MPZL3: variants seen among roughly 807,000 people sequenced by gnomAD.
MPZL3 encodes myelin protein zero-like protein 3.
A neutral mutation model predicts 24.8 loss-of-function variants in MPZL3; 23 were observed. The ratio of observed to expected loss-of-function variants is 0.93; its 90% CI spans 0.67 to 1.31. The LOEUF (loss-of-function observed/expected upper bound fraction) is 1.31. Ranked by LOEUF, MPZL3 falls within the 40% of genes most tolerant of loss-of-function variation. The probability of loss-of-function intolerance (pLI) is 0.00; values close to 1 mark genes in which losing one functional copy is unlikely to be tolerated. For synonymous variants in MPZL3, 99 were observed against 106.5 expected (o/e 0.93, Z 0.44); for missense variants, 277 against 294.9 (o/e 0.94, Z 0.44).
rs774342437 is a variant in MPZL3, at chr11:118,240,348, G to A, written c.103C>T (p.Arg35Cys). 7.5e-6 allele frequency: 12 copies of A among 1,605,774 alleles called. No homozygotes were observed. The highest frequency in any genetic ancestry group is 2.3e-5 in the East Asian group (1 of 44,362). The part of the protein sequence containing the change: ...GVYIVFSLEI[R>C]ADAHVRGYVG... ...TAACCTCGGACATGGGCATCTGCACGAATCTCCAAGGAAAAGACGATATAA... is the reference window on the plus strand; with the variant it reads ...TAACCTCGGACATGGGCATCTGCACAAATCTCCAAGGAAAAGACGATATAA... The change falls in exon 2 of 6, where the codon CGT (arginine) becomes TGT (cysteine). Residue 35 changes from arginine (R) to cysteine (C), a missense_variant. Coordinates refer to ENST00000278949, the MANE Select transcript of MPZL3 (RefSeq NM_198275.3).
chr11:118,248,936 G>C (rs1949588324), intron 1 of MPZL3, among the ~76,000 whole-genome samples: 1 of 152,182 alleles, frequency 6.6e-6, no homozygotes, highest in African/African-American at 2.4e-5. Context: ...TAGTTTCCCA[G>C]TGTCCTTCCA....
At chr11:118,240,472 G>T in intron 1 of MPZL3, 95 bp from the exon 2 acceptor site, 2 of 1,293,600 alleles carry the variant, frequency 1.5e-6, no homozygotes, top group Non-Finnish European at 2.1e-6. Flanking sequence ...TCATCAAAAA[G>T]CCAGAGCAAT....
chr11:118,242,287 C>G (rs941472677), intron 1 of MPZL3, among the ~76,000 whole-genome samples: 2 of 152,168 alleles, frequency 1.3e-5, no homozygotes, highest in Non-Finnish European at 2.9e-5. Context: ...TTCACTGGAT[C>G]ACTCTGAAGA....
chr11:118,233,074 A>C (rs2134695094), intron 5 of MPZL3, among the ~76,000 whole-genome samples: 1 of 152,254 alleles, frequency 6.6e-6, no homozygotes, highest in East Asian at 1.9e-4. Flanking sequence ...GGTTATATCA[A>C]CCTAACTCCC....
intron 1 of MPZL3, among the ~76,000 whole-genome samples, chr11:118,250,400 AG>A (rs887218658): frequency 3.3e-4 from 50 of 152,140 alleles, no homozygotes; most frequent in African/African-American, 1.2e-3. Context: ...ATGGAGAGTG[AG>A]GAGTGATTGT....
At chr11:118,241,481 C>T (rs922328789) in intron 1 of MPZL3, among the ~76,000 whole-genome samples, 1 of 152,156 alleles carries the variant, frequency 6.6e-6, no homozygotes, top group Non-Finnish European at 1.5e-5. Flanking sequence ...AGTAAGTTAC[C>T]GTACTTCTTC....
chr11:118,239,150 C>T lies in MPZL3; in HGVS notation c.240+1061G>A, dbSNP rs967103073. Among the ~76,000 whole-genome samples, 4 of 152,160 alleles carry T rather than the reference C, an allele frequency of 2.6e-5. No homozygotes were observed. In the East Asian group the frequency reaches 7.7e-4, roughly 29 times the overall value. On this transcript the variant is annotated intron_variant, in intron 2 of 5. Transcript: ENST00000278949. ...GCTGCTGTTTCTGACCCAGGAAGCT[C>T]CCCATTGCTTGCTCTGTCCTACTTT...
At chr11:118,230,163 G>A (rs1949332032) in intron 5 of MPZL3, among the ~76,000 whole-genome samples, 1 of 152,040 alleles carries the variant, frequency 6.6e-6, no homozygotes, top group Non-Finnish European at 1.5e-5. Context: ...ATATTTTTTA[G>A]AACCTCAACA....
At position 118,229,683 on chromosome 11, in the gene MPZL3, G is replaced by T; in HGVS notation, c.*211C>A. ...AATTCATTGAAAGGGGAAGTCATGA[G>T]TCTCTTATGAGAGTTCCTGAACAGT... is the stretch of plus-strand genomic sequence containing the variant. On this transcript the variant is annotated 3_prime_UTR_variant, in exon 6 of 6. Coordinates refer to ENST00000278949, the MANE Select transcript of MPZL3 (RefSeq NM_198275.3). 1 of 441,116 alleles carries T rather than the reference G, an allele frequency of 2.3e-6. No individual in the cohort carries two copies. Among genetic ancestry groups the T allele is most frequent in the Non-Finnish European group, 4.0e-6 (1 of 248,276 alleles). The allele number at this position is 441,116 out of a possible 1,614,324, so 27.3% of individuals were successfully genotyped here. A position where few individuals can be genotyped will look rare whatever the true frequency, so the allele number is the denominator to read the frequency against.
At chr11:118,240,462 T>C in intron 1 of MPZL3, 85 bp from the exon 2 acceptor site, 1 of 1,399,364 alleles carries the variant, frequency 7.1e-7, no homozygotes, top group Non-Finnish European at 9.6e-7. Context: ...TTTAGAGCCC[T>C]CATCAAAAAG....
At chr11:118,248,421 CT>C (rs1238024048) in intron 1 of MPZL3, among the ~76,000 whole-genome samples, 1 of 152,072 alleles carries the variant, frequency 6.6e-6, no homozygotes, top group African/African-American at 2.4e-5. Flanking sequence ...ATTCTGTTTG[CT>C]AAATTATAGT....
chr11:118,235,720 G>T, intron 3 of MPZL3, 131 bp from the exon 4 acceptor site: 1 of 957,906 alleles, frequency 1.0e-6, no homozygotes, highest in Non-Finnish European at 1.5e-6. Flanking sequence ...TGTGTGAAAG[G>T]TAGAAAATAC....
chr11:118,248,651 GA>G (rs34623109), intron 1 of MPZL3, among the ~76,000 whole-genome samples: 19 of 149,878 alleles, frequency 1.3e-4, no homozygotes, highest in South Asian at 6.4e-4. Context: ...CAGGGCTGGT[GA>G]AAAAAAAAAT....
rs140503922 is a variant in MPZL3, at chr11:118,235,260, C to T, written c.617+164G>A. On this transcript the variant is annotated intron_variant, in intron 4 of 5. Coordinates refer to ENST00000278949, the MANE Select transcript of MPZL3 (RefSeq NM_198275.3). ...AATTAATATTCACACACATCACTTT[C>T]AACCTTCCTTTTGGCGCCCCTTAGC... 6.3e-3 allele frequency among the ~76,000 whole-genome samples: 967 copies of T among 152,328 alleles called. 5 individuals are homozygous for T. The highest frequency in any genetic ancestry group is 0.019 in the African/African-American group (780 of 41,568).
At chr11:118,231,493 C>T (rs1949350854) in intron 5 of MPZL3, among the ~76,000 whole-genome samples, 1 of 152,150 alleles carries the variant, frequency 6.6e-6, no homozygotes, top group African/African-American at 2.4e-5. Flanking sequence ...CTGCTAATGG[C>T]TCCTAAATCT....
intron 1 of MPZL3, among the ~76,000 whole-genome samples, chr11:118,250,706 G>C (rs12577053): frequency 6.6e-6 from 1 of 151,610 alleles, no homozygotes; most frequent in South Asian, 2.1e-4. Context: ...TCAGCCTCCC[G>C]AGTAGCTGGG....
rs781679842 is a variant in MPZL3, at chr11:118,252,236, A to G, written c.59T>C (p.Val20Ala). 3 of 1,613,836 alleles carry G rather than the reference A, an allele frequency of 1.9e-6. No individual in the cohort carries two copies. The highest frequency in any genetic ancestry group is 2.5e-6 in the Non-Finnish European group (3 of 1,179,970). The change falls in exon 1 of 6, where the codon GTC becomes GCC. Residue 20 changes from valine (V) to alanine (A), a missense_variant. By Grantham distance (64) the Val-to-Ala change is moderately conservative (BLOSUM62 0). Coordinates refer to ENST00000278949, the MANE Select transcript of MPZL3 (RefSeq NM_198275.3). Reference sequence around the variant, plus strand: ...GGAGCACTCACCCTGGAAGAACAGGACGCCCAGCAGAGGGAAGAGAGCGCA... The same window carrying G: ...GGAGCACTCACCCTGGAAGAACAGGGCGCCCAGCAGAGGGAAGAGAGCGCA... ...RGCALFPLLG[V>A]LFFQGVYIVF...
intron 1 of MPZL3, 84 bp from the exon 2 acceptor site, chr11:118,240,461 C>T: frequency 7.1e-7 from 1 of 1,406,544 alleles, no homozygotes; most frequent in Non-Finnish European, 9.5e-7. Flanking sequence ...TTTTAGAGCC[C>T]TCATCAAAAA....
chr11:118,230,027 C>T, intron 5 of MPZL3, 107 bp from the exon 6 acceptor site: 1 of 969,250 alleles, frequency 1.0e-6, no homozygotes. Flanking sequence ...GGGAGACAGC[C>T]ACAGTGAAAT....
Sources: gnomAD v4.1 joint callset for allele counts (sites outside exome capture counted in the v4.1 genomes callset) on GRCh38, gnomAD v4.1.1 for gene constraint, MANE v1.5 for transcripts, NCBI Gene and HGNC (gene_info 2026-07-23, HGNC 2026-07-21) for gene names.